Variants in SI observed in about 807,000 individuals in gnomAD.
SI encodes the protein sucrase-isomaltase.
SI carries 235 observed loss-of-function variants against 253.3 expected under a neutral mutation model. That is an observed-to-expected ratio of 0.93 (90% CI 0.83 to 1.03). The LOEUF (loss-of-function observed/expected upper bound fraction) is 1.03, where lower values mean the gene tolerates loss of function less well. Among genes scored for constraint, SI ranks in the 50% least tolerant of loss-of-function variants. SI has a pLI of 0.00. For missense variants in SI, 2,442 were observed against 2,211.1 expected (o/e 1.10, Z -2.09); for synonymous variants, 819 against 712.0 (o/e 1.15, Z -2.39).
At chr3:165,048,971 C>A (rs945692584) in intron 15 of SI, among the ~76,000 whole-genome samples, 156 bp downstream of exon 15, 3 of 151,976 alleles carry the variant, frequency 2.0e-5, no homozygotes, top group Non-Finnish European at 2.9e-5. Context: ...AGTAAGAGAA[C>A]TGATATTTTG....
At chr3:165,048,713 G>T (rs1713266540) in intron 15 of SI, among the ~76,000 whole-genome samples, 1 of 151,768 alleles carries the variant, frequency 6.6e-6, no homozygotes, top group African/African-American at 2.4e-5. Context: ...TGCCTCCTGG[G>T]TTCAAACTAT....
chr3:165,039,989 G>A lies in SI; in HGVS notation c.2160-18C>T, dbSNP rs1712733223. The A allele has an allele frequency of 6.3e-7, 1 of 1,578,770 alleles. No individual in the cohort carries two copies. The highest frequency in any genetic ancestry group is 8.7e-7 in the Non-Finnish European group (1 of 1,148,232). On this transcript the variant is annotated intron_variant, in intron 18 of 47. Transcript: ENST00000264382. Reference sequence around the variant, plus strand: ...CATAAAACCTAAGAACAATGACAATGTTTAAAGTATAATAATGAAAAAATA... The same window carrying A: ...CATAAAACCTAAGAACAATGACAATATTTAAAGTATAATAATGAAAAAATA...
chr3:164,980,970 T>A (rs990029799), intron 47 of SI, among the ~76,000 whole-genome samples: 1 of 152,014 alleles, frequency 6.6e-6, no homozygotes, highest in African/African-American at 2.4e-5. Flanking sequence ...TTGTGATTGA[T>A]AACTATTGAG....
chr3:165,078,965 A>G (rs1240895482), upstream of SI, among the ~76,000 whole-genome samples: 1 of 151,554 alleles, frequency 6.6e-6, no homozygotes, highest in Non-Finnish European at 1.5e-5. Flanking sequence ...CTTTGATCTT[A>G]AGGTTGAAAA....
intron 13 of SI, among the ~76,000 whole-genome samples, chr3:165,053,165 C>T (rs1005708874): frequency 6.6e-6 from 1 of 151,442 alleles, no homozygotes; most frequent in Admixed American, 6.6e-5. Context: ...TTCGATTATC[C>T]CATAAATGAT....
intron 45 of SI, among the ~76,000 whole-genome samples, chr3:164,985,304 C>T (rs192165738): frequency 6.6e-6 from 1 of 152,096 alleles, no homozygotes; most frequent in South Asian, 2.1e-4. Flanking sequence ...AAACTTTACA[C>T]CCCTGGGAAA....
At chr3:164,987,854 G>T (rs979678981) in intron 44 of SI, among the ~76,000 whole-genome samples, 5 of 152,172 alleles carry the variant, frequency 3.3e-5, no homozygotes, top group Non-Finnish European at 7.4e-5. Flanking sequence ...TGCTTCTCTT[G>T]GGTAATCCTG....
chr3:165,009,191 T>G, intron 35 of SI, 88 bp downstream of exon 35: 2 of 874,878 alleles, frequency 2.3e-6, no homozygotes, highest in Non-Finnish European at 3.8e-6. Flanking sequence ...TAAAATATTT[T>G]GTTGACATTA....
chr3:165,000,392 T>C (rs1415751069), intron 37 of SI, among the ~76,000 whole-genome samples: 1 of 151,294 alleles, frequency 6.6e-6, no homozygotes, highest in East Asian at 1.9e-4. Context: ...AAGATGACCA[T>C]AGTTAATATA....
At chr3:165,033,796 T>C (rs1576898811) in intron 22 of SI, among the ~76,000 whole-genome samples, 1 of 151,522 alleles carries the variant, frequency 6.6e-6, no homozygotes, top group East Asian at 1.9e-4. Context: ...CTCATAACAG[T>C]ACATTTTTCT....
intron 41 of SI, among the ~76,000 whole-genome samples, chr3:164,993,262 G>T (rs1414624444): frequency 6.6e-6 from 1 of 151,694 alleles, no homozygotes; most frequent in Non-Finnish European, 1.5e-5. Flanking sequence ...AAGGGGTAAA[G>T]TCTGTAAATA....
chr3:165,048,567 GTATATA>G (rs151098561), intron 15 of SI, among the ~76,000 whole-genome samples: 26 of 123,830 alleles, frequency 2.1e-4, no homozygotes, highest in African/African-American at 7.3e-4. Context: ...ATATATATAT[GTATATA>G]TATATATATA....
At chr3:165,062,298 T>C in intron 9 of SI, 73 bp downstream of exon 9, 1 of 778,492 alleles carries the variant, frequency 1.3e-6, no homozygotes, top group South Asian at 1.4e-5. Context: ...AATAAAGTCA[T>C]CTAAATATGT....
At chr3:165,027,830 G>A (rs1161326142) in intron 25 of SI, among the ~76,000 whole-genome samples, 1 of 151,290 alleles carries the variant, frequency 6.6e-6, no homozygotes, top group Non-Finnish European at 1.5e-5. Context: ...CACAGCCAAC[G>A]TAATACTGAA....
At chr3:165,037,717 T>C (rs556216754) in intron 21 of SI, among the ~76,000 whole-genome samples, 183 bp downstream of exon 21, 1 of 151,894 alleles carries the variant, frequency 6.6e-6, no homozygotes, top group East Asian at 1.9e-4. Flanking sequence ...AATCAAGATA[T>C]TTATAATAAT....
At chr3:165,034,680 T>TTGTGTGTGTGTGGGTGCG (rs1712433727) in intron 22 of SI, among the ~76,000 whole-genome samples, 1 of 150,088 alleles carries the variant, frequency 6.7e-6, no homozygotes, top group Non-Finnish European at 1.5e-5. Flanking sequence ...GATAATGTGT[T>TTGTGTGTGTGTGGGTGCG]TGTGTGTGTG....
At chr3:165,011,939 T>C (rs1284961776) in intron 34 of SI, among the ~76,000 whole-genome samples, 1 of 152,078 alleles carries the variant, frequency 6.6e-6, no homozygotes, top group Non-Finnish European at 1.5e-5. Flanking sequence ...CGTATCTTCC[T>C]AATGAATTGG....
chr3:165,089,526 G>A, the SI span, among the ~76,000 whole-genome samples: 1 of 152,140 alleles, frequency 6.6e-6, no homozygotes, highest in Non-Finnish European at 1.5e-5. Flanking sequence ...AGGGTGGGGA[G>A]CAGGAGCAGA....
At chr3:165,067,588 A>G (rs555808861) in intron 5 of SI, 97 bp from the exon 6 acceptor site, 2 of 1,085,884 alleles carry the variant, frequency 1.8e-6, no homozygotes, top group South Asian at 1.3e-5. Flanking sequence ...ATAAAAAATA[A>G]CGTGGTGATT....
Sources: gnomAD v4.1 joint callset for allele counts (sites outside exome capture counted in the v4.1 genomes callset) on GRCh38, gnomAD v4.1.1 for gene constraint, MANE v1.5 for transcripts, NCBI Gene and HGNC (gene_info 2026-07-23, HGNC 2026-07-21) for gene names.